KIF13B: variants seen among roughly 807,000 people sequenced by gnomAD.
The protein encoded by KIF13B is kinesin family member 13B.
Under a neutral mutation model 222.0 loss-of-function variants are expected in KIF13B, and 127 were observed. The observed-to-expected ratio is 0.57, with a 90% confidence interval of 0.50 to 0.66. KIF13B has a LOEUF of 0.66. Ranked by LOEUF, KIF13B falls within the 30% of genes least tolerant of loss-of-function variation. The pLI is 0.00. For synonymous variants in KIF13B, 976 were observed against 919.0 expected (o/e 1.06, Z -1.12); for missense variants, 2,173 against 2,379.0 (o/e 0.91, Z 1.80).
chr8:29,176,257 C>G lies in KIF13B; in HGVS notation c.834-78G>C. ...CACATTTTAGCACAAAGATTGAACA[C>G]TAAGATGCCCTTGTACCTGCATGTG... is the stretch of plus-strand genomic sequence containing the variant. On this transcript the variant is annotated intron_variant, in intron 9 of 39. Transcript: ENST00000524189. 7 of 842,938 alleles carry G rather than the reference C, an allele frequency of 8.3e-6. 1 individual carries two copies. The highest frequency in any genetic ancestry group is 2.2e-4 in the Middle Eastern group (1 of 4,498). The allele number at this position is 842,938 out of a possible 1,614,324, so 52.2% of individuals were successfully genotyped here. A position where few individuals can be genotyped will look rare whatever the true frequency, so the allele number is the denominator to read the frequency against.
chr8:29,088,064 G>A (rs909495143), intron 37 of KIF13B, among the ~76,000 whole-genome samples: 7 of 151,828 alleles, frequency 4.6e-5, no homozygotes, highest in East Asian at 3.9e-4. Flanking sequence ...TCAAGAGATC[G>A]AGACCATCCT....
At chr8:29,085,261 G>T (rs1807989853) in intron 37 of KIF13B, among the ~76,000 whole-genome samples, 1 of 152,156 alleles carries the variant, frequency 6.6e-6, no homozygotes, top group Admixed American at 6.5e-5. Flanking sequence ...GCAGTTATGG[G>T]TCTGTGTATC....
chr8:29,231,876 A>AC (rs1333456694), intron 2 of KIF13B, among the ~76,000 whole-genome samples: 1 of 151,856 alleles, frequency 6.6e-6, no homozygotes, highest in Middle Eastern at 3.4e-3. Flanking sequence ...CCACTTCCAA[A>AC]TTTTTTTTTA....
intron 2 of KIF13B, among the ~76,000 whole-genome samples, chr8:29,210,627 A>T (rs989543132): frequency 1.3e-5 from 2 of 152,220 alleles, no homozygotes; most frequent in Non-Finnish European, 2.9e-5. Flanking sequence ...CGGTTGTAAG[A>T]TATTAAGATG....
intron 37 of KIF13B, among the ~76,000 whole-genome samples, chr8:29,086,259 G>C (rs1041146209): frequency 6.6e-6 from 1 of 152,174 alleles, no homozygotes; most frequent in African/African-American, 2.4e-5. Flanking sequence ...GTGAGTTTCT[G>C]CATTATTACA....
At chr8:29,217,146 A>G (rs1814521106) in intron 2 of KIF13B, among the ~76,000 whole-genome samples, 1 of 152,186 alleles carries the variant, frequency 6.6e-6, no homozygotes, top group Admixed American at 6.5e-5. Context: ...AGAGAAGGAA[A>G]TGAGTACACA....
chr8:29,231,483 T>C (rs1308052841), intron 2 of KIF13B, among the ~76,000 whole-genome samples: 1 of 152,110 alleles, frequency 6.6e-6, no homozygotes, highest in East Asian at 1.9e-4. Context: ...TAAGGAGGGG[T>C]AATCACTGAA....
intron 1 of KIF13B, among the ~76,000 whole-genome samples, chr8:29,259,718 A>T (rs1339333671): frequency 6.6e-6 from 1 of 152,252 alleles, no homozygotes; most frequent in Non-Finnish European, 1.5e-5. Flanking sequence ...TAGACGGGTT[A>T]ATAATGTATG....
chr8:29,139,996 AAAAG>A, intron 21 of KIF13B, 63 bp downstream of exon 21: 2 of 1,441,690 alleles, frequency 1.4e-6, no homozygotes, highest in Non-Finnish European at 1.9e-6. Flanking sequence ...TTTTGCCATT[AAAAG>A]TAATGGCAAA....
intron 31 of KIF13B, among the ~76,000 whole-genome samples, chr8:29,114,029 T>C (rs1195579383): frequency 6.6e-6 from 1 of 152,194 alleles, no homozygotes; most frequent in African/African-American, 2.4e-5. Flanking sequence ...TGAGGAATGA[T>C]TTAAGAGTGC....
At chr8:29,088,148 C>T (rs571190189) in intron 37 of KIF13B, among the ~76,000 whole-genome samples, 2 of 151,972 alleles carry the variant, frequency 1.3e-5, no homozygotes, top group African/African-American at 4.8e-5. Context: ...CGCCTGTAAT[C>T]CCAGCTACTC....
upstream of KIF13B, chr8:29,263,115 GGCCGGGGGCGGA>G (rs1365781212): frequency 6.5e-6 from 9 of 1,386,102 alleles, no homozygotes; most frequent in South Asian, 2.6e-5. Context: ...GGCGGGAGGG[GGCCGGGGGCGGA>G]GCCGGGGGTG....
chr8:29,180,766 T>TA (rs201536040), intron 7 of KIF13B, among the ~76,000 whole-genome samples: 1,923 of 151,616 alleles, frequency 0.013, 24 homozygotes, highest in African/African-American at 0.03. Context: ...CTACTACTAC[T>TA]AAAAAAGAGA....
Position 29,070,619 on chromosome 8 carries a change from C to A in KIF13B, c.5366G>T (p.Arg1789Leu). The A allele has an allele frequency of 3.2e-6, 5 of 1,578,472 alleles. No individual in the cohort carries two copies. Among genetic ancestry groups the A allele is most frequent in the Admixed American group, 1.8e-5 (1 of 55,366 alleles). ...TGLRLGAPEA[R>L]RSATLSGSAT... ...GGAGCCCGAGAGGGTGGCGCTCCGG[C>A]GGGCCTCGGGGGCACCCAGCCGGAG... Residue 1789 changes from arginine to leucine, a missense_variant, in exon 40 of 40, where the codon CGC becomes CTC. By Grantham distance (102) the Arg-to-Leu change is moderately radical. Coordinates refer to ENST00000524189, the MANE Select transcript of KIF13B (RefSeq NM_015254.4). This position sits in a 1 kb window ranked among gnomAD's most constrained non-coding sequence, Gnocchi z 4.1.
Position 29,119,892 on chromosome 8 carries a change from C to T in KIF13B, c.3536-900G>A, listed in dbSNP as rs2129707639. ...GCTAAGTGGCAGGAGATCCTAAATG[C>T]CTCAGAGACTGCATCTCGCTGTCAG... is the stretch of plus-strand genomic sequence containing the variant. On this transcript the variant is annotated intron_variant, in intron 29 of 39. Coordinates refer to ENST00000524189, the MANE Select transcript of KIF13B (RefSeq NM_015254.4). Among the ~76,000 whole-genome samples, 2 of 152,312 alleles carry T rather than the reference C, an allele frequency of 1.3e-5. 1 individual carries two copies. Among genetic ancestry groups the T allele is most frequent in the South Asian group, 4.1e-4 (2 of 4,824 alleles).
intron 12 of KIF13B, among the ~76,000 whole-genome samples, chr8:29,161,703 C>CA (rs1811787079): frequency 6.7e-6 from 1 of 149,150 alleles, no homozygotes; most frequent in Admixed American, 6.7e-5. Flanking sequence ...CTCAAAACCC[C>CA]CCCCCAAAAA....
intron 13 of KIF13B, among the ~76,000 whole-genome samples, chr8:29,159,029 T>A (rs1179689843): frequency 6.6e-6 from 1 of 152,210 alleles, no homozygotes; most frequent in African/African-American, 2.4e-5. Context: ...TAACATCGCA[T>A]CTCTTCCCAC....
In KIF13B at chr8:29,075,278, C is replaced by T; in HGVS notation, c.4521+3G>A. On this transcript the variant is annotated splice_donor_region_variant and intron_variant, in intron 38 of 39. Transcript: ENST00000524189. Reference sequence around the variant, plus strand: ...GTGGCCACCCGTGACCCAACAGACTCACCTCCTCCATCCTGGTCACCCTGA... The same window carrying T: ...GTGGCCACCCGTGACCCAACAGACTTACCTCCTCCATCCTGGTCACCCTGA... 6.4e-7 allele frequency: 1 copy of T among 1,554,694 alleles called. No individual in the cohort carries two copies. The highest frequency in any genetic ancestry group is 8.7e-7 in the Non-Finnish European group (1 of 1,148,806).
intron 35 of KIF13B, among the ~76,000 whole-genome samples, chr8:29,100,085 A>C: frequency 6.6e-6 from 1 of 152,252 alleles, no homozygotes; most frequent in East Asian, 1.9e-4. Flanking sequence ...TTACAGTCAA[A>C]CCCAAGTCAA....
Sources: allele counts gnomAD v4.1 joint callset (sites outside exome capture counted in the v4.1 genomes callset), GRCh38; gene constraint gnomAD v4.1.1; non-coding constraint Gnocchi (gnomAD v3.1); transcripts MANE v1.5; gene names NCBI Gene and HGNC (gene_info 2026-07-23, HGNC 2026-07-21).